Variants in VPS37A observed in about 807,000 individuals in gnomAD.
VPS37A encodes VPS37A subunit of ESCRT-I.
VPS37A carries 30 observed loss-of-function variants against 49.8 expected under a neutral mutation model. The observed-to-expected ratio is 0.60, with a 90% CI of 0.45 to 0.82. The LOEUF (loss-of-function observed/expected upper bound fraction) is 0.82, where lower values mean the gene tolerates loss of function less well. Among genes scored for constraint, VPS37A ranks in the 40% least tolerant of loss-of-function variants. The pLI, the probability that VPS37A is intolerant of heterozygous loss-of-function variation, is 0.00. For synonymous variants in VPS37A, 195 were observed against 160.6 expected (o/e 1.21, Z -1.62); for missense variants, 593 against 464.4 (o/e 1.28, Z -2.55).
chr8:17,271,600 C>A (rs1029295837), intron 4 of VPS37A, among the ~76,000 whole-genome samples: 4 of 151,422 alleles, frequency 2.6e-5, no homozygotes, highest in East Asian at 1.9e-4. Context: ...AGCAAGACTC[C>A]GTCTCAAAAA....
chr8:17,324,916 C>T, the VPS37A span, among the ~76,000 whole-genome samples: 1 of 152,178 alleles, frequency 6.6e-6, no homozygotes, highest in East Asian at 1.9e-4. Flanking sequence ...CCAACCTTTA[C>T]AGCTTTTCAT....
chr8:17,276,486 G>C lies in VPS37A; in HGVS notation c.713+19G>C. The C allele has an allele frequency of 6.2e-7, 1 of 1,600,218 alleles. No homozygotes were observed. The highest frequency in any genetic ancestry group is 8.5e-7 in the Non-Finnish European group (1 of 1,173,178). ...AACTAAGGTAAACCTGGAAAGTAAA[G>C]TTGGTCACATTGTCTATTTTATTTG... On this transcript the variant is annotated intron_variant, in intron 6 of 11. Transcript: ENST00000324849.
intron 1 of VPS37A, among the ~76,000 whole-genome samples, chr8:17,256,819 A>G (rs941815735): frequency 1.3e-5 from 2 of 151,862 alleles, no homozygotes; most frequent in African/African-American, 4.8e-5. Flanking sequence ...CACCCGGCTA[A>G]TTTTGTATCT....
At chr8:17,255,916 A>T (rs1046760610) in intron 1 of VPS37A, among the ~76,000 whole-genome samples, 1 of 152,058 alleles carries the variant, frequency 6.6e-6, no homozygotes, top group African/African-American at 2.4e-5. Flanking sequence ...ATTATGCCAC[A>T]TTTTCTTTAT....
At chr8:17,264,361 G>A (rs936863037) in intron 1 of VPS37A, among the ~76,000 whole-genome samples, 5 of 152,142 alleles carry the variant, frequency 3.3e-5, no homozygotes, top group Admixed American at 6.5e-5. Context: ...AGGCCATTCT[G>A]TTGATTATGT....
chr8:17,302,407 A>G (rs570215073), downstream of VPS37A: 8 of 1,011,446 alleles, frequency 7.9e-6, no homozygotes, highest in South Asian at 1.0e-4. Flanking sequence ...TCAGCCTCAA[A>G]AAAGCCACTA....
the VPS37A span, chr8:17,313,547 C>T: frequency 1.2e-4 from 64 of 545,452 alleles, no homozygotes; most frequent in African/African-American, 5.0e-4. Context: ...TAAATACCCA[C>T]GTTTACTAAA....
chr8:17,299,912 C>T, downstream of VPS37A: 2 of 1,614,182 alleles, frequency 1.2e-6, no homozygotes, highest in South Asian at 2.2e-5. Flanking sequence ...TTGCCACTAT[C>T]TTCACTCGGT....
intron 1 of VPS37A, among the ~76,000 whole-genome samples, chr8:17,263,821 G>C (rs948449548): frequency 1.2e-4 from 19 of 152,040 alleles, no homozygotes; most frequent in Non-Finnish European, 4.4e-5. Flanking sequence ...CACACCTGTA[G>C]TCCCAGCTAC....
At chr8:17,283,913 G>T (rs559532723) in intron 9 of VPS37A, among the ~76,000 whole-genome samples, 219 of 152,278 alleles carry the variant, frequency 1.4e-3, no homozygotes, top group Admixed American at 2.2e-3. Flanking sequence ...AGGTTGCTTT[G>T]ATTAGTAATG....
At chr8:17,285,382 T>C (rs1815495152) in intron 10 of VPS37A, among the ~76,000 whole-genome samples, 1 of 152,208 alleles carries the variant, frequency 6.6e-6, no homozygotes, top group African/African-American at 2.4e-5. Flanking sequence ...GATTATAGAA[T>C]ACATTTTTAA....
chr8:17,320,857 T>C, the VPS37A span, among the ~76,000 whole-genome samples: 2 of 152,350 alleles, frequency 1.3e-5, no homozygotes, highest in Admixed American at 1.3e-4. Flanking sequence ...CCTGGGCGCC[T>C]GCTGTTTGGG....
chr8:17,322,264 A>C, the VPS37A span, among the ~76,000 whole-genome samples: 1 of 152,210 alleles, frequency 6.6e-6, no homozygotes, highest in Non-Finnish European at 1.5e-5. Flanking sequence ...TTCAAAGAGG[A>C]CTTTATTATG....
chr8:17,306,009 C>T, downstream of VPS37A: 9 of 1,464,008 alleles, frequency 6.1e-6, no homozygotes, highest in Non-Finnish European at 8.4e-6. Flanking sequence ...TTTTAAAGTA[C>T]AAAGCCATAA....
chr8:17,285,460 C>A (rs748222240), intron 10 of VPS37A, among the ~76,000 whole-genome samples: 4 of 152,212 alleles, frequency 2.6e-5, no homozygotes, highest in Non-Finnish European at 4.4e-5. Context: ...CCAAAAAAGT[C>A]TGCTTAATAG....
At position 17,297,467 on chromosome 8, in the gene VPS37A, T is replaced by TTATTC. The variant is rs1287226946; in HGVS notation, c.*2485_*2489dup. 1 of 151,750 alleles carries TTATTC rather than the reference T, an allele frequency of 6.6e-6. No individual in the cohort carries two copies. Among genetic ancestry groups the TTATTC allele is most frequent in the East Asian group, 1.9e-4 (1 of 5,200 alleles). 9.4% of individuals were successfully genotyped at this position (151,750 alleles called of 1,614,324 possible). ...TAATGTGCTCTTAAAGAATAAAAAT[T>TTATTC]TATTCTATGGTTTCTGTCTCTGATC... is the stretch of plus-strand genomic sequence containing the variant. On this transcript the variant is annotated 3_prime_UTR_variant, in exon 12 of 12. Transcript: ENST00000324849.
chr8:17,332,547 A>T, the VPS37A span, among the ~76,000 whole-genome samples: 14 of 152,186 alleles, frequency 9.2e-5, no homozygotes, highest in Non-Finnish European at 1.8e-4. Flanking sequence ...TTATATCATG[A>T]TGAGCCCATT....
At chr8:17,328,624 T>C in the VPS37A span, among the ~76,000 whole-genome samples, 1 of 152,140 alleles carries the variant, frequency 6.6e-6, no homozygotes, top group Non-Finnish European at 1.5e-5. Context: ...CTGCTAGGCT[T>C]AACAGTTAGA....
chr8:17,320,407 T>C, the VPS37A span, among the ~76,000 whole-genome samples: 1 of 151,874 alleles, frequency 6.6e-6, no homozygotes, highest in African/African-American at 2.4e-5. Flanking sequence ...AAGGGTATGT[T>C]TTTTTTTGTA....
Sources: gnomAD v4.1 joint callset for allele counts (sites outside exome capture counted in the v4.1 genomes callset) on GRCh38, gnomAD v4.1.1 for gene constraint, MANE v1.5 for transcripts, NCBI Gene and HGNC (gene_info 2026-07-23, HGNC 2026-07-21) for gene names.